The following STK4 variants were observed in gnomAD, a reference collection of about 807,000 sequenced individuals.
STK4 encodes the protein serine/threonine kinase 4, also known as serine/threonine-protein kinase 4.
STK4 carries 30 observed loss-of-function variants against 64.9 expected under a neutral mutation model. The observed-to-expected ratio is 0.46, with a 90% CI of 0.35 to 0.63. The LOEUF is 0.63. Ranked by LOEUF, STK4 falls within the 20% of genes least tolerant of loss-of-function variation. The pLI, the probability that STK4 is intolerant of heterozygous loss-of-function variation, is 0.01. For missense variants in STK4, 466 were observed against 598.5 expected (o/e 0.78, Z 2.31); for synonymous variants, 177 against 199.0 (o/e 0.89, Z 0.93).
intron 1 of STK4, 121 bp downstream of exon 1, chr20:44,966,724 C>T (rs762555746): frequency 2.2e-5 from 25 of 1,124,054 alleles, no homozygotes; most frequent in Non-Finnish European, 2.7e-5. Context: ...GATGGGGCAC[C>T]TGCTGAGTGA....
At chr20:44,978,130 G>A (rs1363020647) in intron 2 of STK4, among the ~76,000 whole-genome samples, 1 of 152,090 alleles carries the variant, frequency 6.6e-6, no homozygotes, top group African/African-American at 2.4e-5. Context: ...TTCATTTTTT[G>A]TAGGAATGAA....
intron 9 of STK4, among the ~76,000 whole-genome samples, chr20:45,001,645 T>G (rs914620012): frequency 6.6e-6 from 1 of 152,330 alleles, no homozygotes; most frequent in East Asian, 1.9e-4. Flanking sequence ...ACCTTGATCT[T>G]TGGAGGCAAG....
At chr20:45,045,742 T>C (rs2068683523) in intron 10 of STK4, among the ~76,000 whole-genome samples, 1 of 152,204 alleles carries the variant, frequency 6.6e-6, no homozygotes, top group Non-Finnish European at 1.5e-5. Flanking sequence ...TTCTTTCTTA[T>C]TTACTTTCTA....
chr20:45,053,528 C>G (rs959533667), intron 10 of STK4, among the ~76,000 whole-genome samples: 1 of 152,188 alleles, frequency 6.6e-6, no homozygotes, highest in African/African-American at 2.4e-5. Context: ...TGAGTCCAGA[C>G]TGGCTCAGAA....
At chr20:44,972,296 C>T (rs752691740) in intron 2 of STK4, 138 bp downstream of exon 2, 15 of 705,280 alleles carry the variant, frequency 2.1e-5, no homozygotes, top group African/African-American at 3.6e-5. Context: ...TGTCCTTCTT[C>T]GCTTTACTCC....
intron 10 of STK4, among the ~76,000 whole-genome samples, chr20:45,031,836 C>T (rs549250607): frequency 7.2e-6 from 1 of 138,940 alleles, no homozygotes; most frequent in East Asian, 2.1e-4. Flanking sequence ...ACCCAGGAGG[C>T]GGAGGTTGCA....
intron 9 of STK4, among the ~76,000 whole-genome samples, chr20:45,018,909 T>G (rs2068193026): frequency 6.6e-6 from 1 of 151,920 alleles, no homozygotes; most frequent in African/African-American, 2.4e-5. Context: ...AAAAAAAAAT[T>G]TTTGTAGAGA....
At chr20:45,040,658 G>T (rs2068599008) in intron 10 of STK4, among the ~76,000 whole-genome samples, 1 of 151,234 alleles carries the variant, frequency 6.6e-6, no homozygotes. Flanking sequence ...AAGGAACTCA[G>T]GTTTTTAAAA....
intron 9 of STK4, among the ~76,000 whole-genome samples, chr20:45,015,050 A>G (rs1251844310): frequency 1.3e-5 from 2 of 152,242 alleles, no homozygotes; most frequent in Non-Finnish European, 1.5e-5. Flanking sequence ...TAGGGCAACT[A>G]AGAGACATGT....
At chr20:44,990,357 G>C (rs1206056312) in intron 5 of STK4, among the ~76,000 whole-genome samples, 1 of 148,016 alleles carries the variant, frequency 6.8e-6, no homozygotes, top group Non-Finnish European at 1.5e-5. Context: ...ACATACAATT[G>C]ATTTTTGTAT....
intron 10 of STK4, among the ~76,000 whole-genome samples, chr20:45,058,030 A>T (rs1468320972): frequency 6.7e-6 from 1 of 150,288 alleles, no homozygotes; most frequent in Non-Finnish European, 1.5e-5. Flanking sequence ...AATGATAAAA[A>T]CTTATATTTA....
At chr20:44,994,953 G>A (rs541592958) in intron 5 of STK4, 137 bp from the exon 6 acceptor site, 60 of 646,206 alleles carry the variant, frequency 9.3e-5, no homozygotes, top group Non-Finnish European at 1.2e-4. Context: ...CAAGTACAAG[G>A]CATTTTTTTA....
chr20:45,066,163 A>G (rs1324194718), intron 10 of STK4, among the ~76,000 whole-genome samples: 1 of 147,732 alleles, frequency 6.8e-6, no homozygotes. Flanking sequence ...ATACATATGT[A>G]TATACACATT....
At chr20:45,044,072 A>G (rs6073611) in intron 10 of STK4, among the ~76,000 whole-genome samples, 79,416 of 152,050 alleles carry the variant, frequency 0.52, 21,946 homozygotes, top group African/African-American at 0.68. Flanking sequence ...ATAGGTATCA[A>G]TTTTAGAACT....
At chr20:44,977,484 A>G (rs1395218608) in intron 2 of STK4, among the ~76,000 whole-genome samples, 1 of 152,162 alleles carries the variant, frequency 6.6e-6, no homozygotes, top group Non-Finnish European at 1.5e-5. Flanking sequence ...CAGGATTCCA[A>G]TGAAAATGTT....
Position 45,079,987 on chromosome 20 carries a change from G to A in STK4, c.*4811G>A, listed in dbSNP as rs1980782005. The stretch of plus-strand genomic sequence containing the variant: ...AACGAGAACCTCAATATATAGCCTG[G>A]ATAATGGTGTTGTGAACAATCTTTG... On this transcript the variant is annotated 3_prime_UTR_variant, in exon 11 of 11. Coordinates refer to ENST00000372806, the MANE Select transcript of STK4 (RefSeq NM_006282.5). 6.6e-6 allele frequency: 1 copy of A among 152,170 alleles called. No homozygotes were observed. The highest frequency in any genetic ancestry group is 2.1e-4 in the South Asian group (1 of 4,828). 9.4% of individuals were successfully genotyped at this position (152,170 alleles called of 1,614,324 possible). A position where few individuals can be genotyped will look rare whatever the true frequency, so the allele number is the denominator to read the frequency against.
At chr20:45,055,842 C>T (rs1019603156) in intron 10 of STK4, among the ~76,000 whole-genome samples, 1 of 151,944 alleles carries the variant, frequency 6.6e-6, no homozygotes, top group African/African-American at 2.4e-5. Context: ...AAGCAATTCT[C>T]CTGTCTCAGC....
At chr20:45,047,249 T>A (rs1455909787) in intron 10 of STK4, among the ~76,000 whole-genome samples, 2 of 152,192 alleles carry the variant, frequency 1.3e-5, no homozygotes, top group Non-Finnish European at 2.9e-5. Flanking sequence ...CCCACTTATT[T>A]GACAGAGAGG....
Position 45,000,387 on chromosome 20 carries a change from T to G in STK4, c.832-5T>G. The G allele has an allele frequency of 2.5e-6, 4 of 1,613,320 alleles. No homozygotes were observed. The highest frequency in any genetic ancestry group is 3.4e-6 in the Non-Finnish European group (4 of 1,179,562). ...TCTCCAGTATTTTCTACTTTGTTCTTTTAGCACCCATTTGTCAGGAGTGCC... is the reference window on the plus strand; with the variant it reads ...TCTCCAGTATTTTCTACTTTGTTCTGTTAGCACCCATTTGTCAGGAGTGCC... On this transcript the variant is annotated splice_region_variant and splice_polypyrimidine_tract_variant and intron_variant, in intron 7 of 10. Coordinates refer to ENST00000372806, the MANE Select transcript of STK4 (RefSeq NM_006282.5).
Sources: allele counts gnomAD v4.1 joint callset (sites outside exome capture counted in the v4.1 genomes callset), GRCh38; gene constraint gnomAD v4.1.1; transcripts MANE v1.5; gene names NCBI Gene and HGNC (gene_info 2026-07-23, HGNC 2026-07-21).